SEPTIN9: variants seen among roughly 807,000 people sequenced by gnomAD.
The protein encoded by SEPTIN9 is septin 9.
SEPTIN9 carries 13 observed loss-of-function variants against 56.6 expected under a neutral mutation model. The ratio of observed to expected loss-of-function variants is 0.23; its 90% CI spans 0.15 to 0.37. SEPTIN9 has a LOEUF of 0.37. Ranked by LOEUF, SEPTIN9 falls within the 10% of genes least tolerant of loss-of-function variation. The probability of loss-of-function intolerance (pLI) is 1.00; values close to 1 mark genes in which losing one functional copy is unlikely to be tolerated. For synonymous variants in SEPTIN9, 332 were observed against 334.1 expected, an observed-to-expected ratio of 0.99 and a Z score of 0.07; for missense variants, 650 against 823.1, an observed-to-expected ratio of 0.79 and a Z score of 2.57.
At chr17:77,370,919 G>A (rs1078504) in intron 2 of SEPTIN9, among the ~76,000 whole-genome samples, 15,966 of 152,308 alleles carry the variant, frequency 0.1, 893 homozygotes, top group Middle Eastern at 0.16. Context: ...GATTTAGGCT[G>A]AGAAAGAGGA....
intron 2 of SEPTIN9, chr17:77,373,758 C>A: frequency 9.7e-7 from 1 of 1,027,584 alleles, no homozygotes; most frequent in Non-Finnish European, 1.3e-6. Flanking sequence ...CTGTTAGGGG[C>A]ACCCGCGTAG....
At chr17:77,490,908 C>G in intron 8 of SEPTIN9, 49 bp downstream of exon 8, 4 of 1,402,152 alleles carry the variant, frequency 2.9e-6, no homozygotes, top group Non-Finnish European at 4.0e-6. Context: ...AACCTGGAGA[C>G]GCTGCAGGCC....
chr17:77,308,160 A>C (rs887040086), intron 2 of SEPTIN9, among the ~76,000 whole-genome samples: 7 of 152,200 alleles, frequency 4.6e-5, no homozygotes, highest in Non-Finnish European at 7.4e-5. Flanking sequence ...TCACCTGTGC[A>C]TATGTGCTGG....
chr17:77,420,804 TCTCAGGTGGGAGGAGAAGG>T (rs2036674491), intron 3 of SEPTIN9, among the ~76,000 whole-genome samples: 1 of 152,188 alleles, frequency 6.6e-6, no homozygotes, highest in Admixed American at 6.5e-5. Flanking sequence ...GAAACCCTTG[TCTCAGGTGGGAGGAGAAGG>T]CTCAGTATGT....
In SEPTIN9 at chr17:77,456,012, C is replaced by G. The variant is rs376873924; in HGVS notation, c.722-26132C>G. On this transcript the variant is annotated intron_variant, in intron 3 of 11. Coordinates refer to ENST00000427177, the MANE Select transcript of SEPTIN9 (RefSeq NM_001113491.2). The surrounding 1 kb of genome is among the most constrained non-coding windows in gnomAD (Gnocchi z 6.0). Reference sequence around the variant, plus strand: ...CCCTGGAAGATTCCCGGCACCGCTTCCCATGCGCCACGTGACTAGGAGGGT... The same window carrying G: ...CCCTGGAAGATTCCCGGCACCGCTTGCCATGCGCCACGTGACTAGGAGGGT... Among the ~76,000 whole-genome samples the G allele has an allele frequency of 1.3e-5, 2 of 152,312 alleles. No individual in the cohort carries two copies. Among genetic ancestry groups the G allele is most frequent in the African/African-American group, 4.8e-5 (2 of 41,564 alleles).
At chr17:77,452,811 T>C (rs926974221) in intron 3 of SEPTIN9, among the ~76,000 whole-genome samples, 1 of 150,430 alleles carries the variant, frequency 6.6e-6, no homozygotes, top group African/African-American at 2.5e-5. Context: ...TTTGGCCAAC[T>C]CCCCCGGCAG....
Position 77,284,388 on chromosome 17 carries a change from C to T in SEPTIN9, c.19+2834C>T, listed in dbSNP as rs1159376664. ...CAGGGGGACACTGGGGACAGGTTCT[C>T]TCTGGCAGCTCCACTGCTGCTCCAG... is the stretch of plus-strand genomic sequence containing the variant. On this transcript the variant is annotated intron_variant, in intron 1 of 11. Coordinates refer to ENST00000427177, the MANE Select transcript of SEPTIN9 (RefSeq NM_001113491.2). Among the ~76,000 whole-genome samples the T allele has an allele frequency of 1.6e-4, 25 of 152,250 alleles. 1 individual carries two copies. The highest frequency in any genetic ancestry group is 1.6e-3 in the Admixed American group (25 of 15,284).
intron 1 of SEPTIN9, among the ~76,000 whole-genome samples, chr17:77,290,060 A>G (rs1220431962): frequency 6.6e-6 from 1 of 152,180 alleles, no homozygotes; most frequent in Non-Finnish European, 1.5e-5. Flanking sequence ...ATGGCTCTTC[A>G]GAGTGGACAT....
At position 77,498,525 on chromosome 17, in the gene SEPTIN9, C is replaced by T. The variant is rs1023221200; in HGVS notation, c.1628C>T (p.Thr543Met). ...CCGCCCGCCCCCCACCCCCACAGGACGCACATGCAGAACATCAAGGACATC... is the reference window on the plus strand; with the variant it reads ...CCGCCCGCCCCCCACCCCCACAGGATGCACATGCAGAACATCAAGGACATC... ...FAYLRDLLIR[T>M]HMQNIKDITS... The change falls in exon 12 of 12, where the codon ACG becomes ATG. Residue 543 changes from threonine to methionine, a missense_variant and splice_region_variant. By Grantham distance (81) the Thr-to-Met change is moderately conservative. Around this residue, in one of 2 missense-constraint regions of SEPTIN9, gnomAD observed 333 missense variants for 494.0 expected, o/e 0.67. Coordinates refer to ENST00000427177, the MANE Select transcript of SEPTIN9 (RefSeq NM_001113491.2). The T allele has an allele frequency of 8.0e-6, 6 of 746,342 alleles. No individual in the cohort carries two copies. Among genetic ancestry groups the T allele is most frequent in the African/African-American group, 1.9e-5 (1 of 51,548 alleles). 46.2% of individuals were successfully genotyped at this position (746,342 alleles called of 1,614,324 possible).
intron 2 of SEPTIN9, among the ~76,000 whole-genome samples, chr17:77,346,215 T>G (rs2033886556): frequency 6.6e-6 from 1 of 150,400 alleles, no homozygotes; most frequent in East Asian, 2.0e-4. Context: ...GTGCTGGGAT[T>G]ACAGGCGTGA....
At chr17:77,361,395 C>T (rs1373001321) in intron 2 of SEPTIN9, among the ~76,000 whole-genome samples, 1 of 152,124 alleles carries the variant, frequency 6.6e-6, no homozygotes, top group African/African-American at 2.4e-5. Flanking sequence ...GTAGCTATGC[C>T]TGGGGTAGGT....
At chr17:77,334,128 T>TA (rs1049006772) in intron 2 of SEPTIN9, among the ~76,000 whole-genome samples, 13 of 150,268 alleles carry the variant, frequency 8.7e-5, no homozygotes, top group East Asian at 1.9e-4. Flanking sequence ...GGGTCTCATT[T>TA]AAAAAAAAAA....
Position 77,318,599 on chromosome 17 carries a change from G to T in SEPTIN9, c.76+11402G>T, listed in dbSNP as rs187882350. Among the ~76,000 whole-genome samples the T allele has an allele frequency of 3.1e-3, 478 of 152,266 alleles. 1 individual carries two copies. Among genetic ancestry groups the T allele is most frequent in the African/African-American group, 0.011 (450 of 41,552 alleles). On this transcript the variant is annotated intron_variant, in intron 2 of 11. Coordinates refer to ENST00000427177, the MANE Select transcript of SEPTIN9 (RefSeq NM_001113491.2). The surrounding 1 kb of genome is among the most constrained non-coding windows in gnomAD (Gnocchi z 4.9). Reference sequence around the variant, plus strand: ...TCCCCACCTCCCTCACTGTCTGGCTGCCTGTGGGGCTGTCCTCCAGGCTCT... The same window carrying T: ...TCCCCACCTCCCTCACTGTCTGGCTTCCTGTGGGGCTGTCCTCCAGGCTCT...
At chr17:77,334,031 T>A (rs1452311821) in intron 2 of SEPTIN9, among the ~76,000 whole-genome samples, 1 of 152,210 alleles carries the variant, frequency 6.6e-6, no homozygotes, top group Non-Finnish European at 1.5e-5. Context: ...AGGCTTCTGC[T>A]CTTTGTCCTG....
At chr17:77,457,474 C>T (rs1018511662) in intron 3 of SEPTIN9, among the ~76,000 whole-genome samples, 3 of 152,160 alleles carry the variant, frequency 2.0e-5, no homozygotes, top group African/African-American at 7.2e-5. Flanking sequence ...CCGGAGCAGA[C>T]GTTAAGCGAG....
chr17:77,321,253 C>A (rs1447183122), intron 2 of SEPTIN9, among the ~76,000 whole-genome samples: 1 of 152,092 alleles, frequency 6.6e-6, no homozygotes, highest in African/African-American at 2.4e-5. Context: ...AGAGTGTCAA[C>A]CCCTACGTGC....
chr17:77,341,375 G>C lies in SEPTIN9; in HGVS notation c.76+34178G>C, dbSNP rs192633267. On this transcript the variant is annotated intron_variant, in intron 2 of 11. Coordinates refer to ENST00000427177, the MANE Select transcript of SEPTIN9 (RefSeq NM_001113491.2). ...GCAGAGGGAGAGAGAGCGGGGAACAGCCAGTCAGTGGAGCAGTCAGAACAT... is the reference window on the plus strand; with the variant it reads ...GCAGAGGGAGAGAGAGCGGGGAACACCCAGTCAGTGGAGCAGTCAGAACAT... 5.9e-5 allele frequency among the ~76,000 whole-genome samples: 9 copies of C among 152,356 alleles called. No individual in the cohort carries two copies. In the East Asian group the frequency reaches 1.7e-3, roughly 29 times the overall value.
In SEPTIN9 at chr17:77,484,415, GTGA is replaced by G. The variant is rs560972684; in HGVS notation, c.913+2086_913+2088del. On this transcript the variant is annotated intron_variant, in intron 4 of 11. Coordinates refer to ENST00000427177, the MANE Select transcript of SEPTIN9 (RefSeq NM_001113491.2). Reference sequence around the variant, plus strand: ...TGATGGTGACAGTGGTGGGATGGTAGTGATGATGTGGGTGATGGTGATGGTGGT... The same window carrying G: ...TGATGGTGACAGTGGTGGGATGGTAGTGATGTGGGTGATGGTGATGGTGGT... Among the ~76,000 whole-genome samples, 15 of 147,308 alleles carry G rather than the reference GTGA, an allele frequency of 1.0e-4. No individual in the cohort carries two copies. The East Asian group carries it at 2.4e-3, about 24-fold the overall frequency.
At chr17:77,343,480 A>G (rs761140371) in intron 2 of SEPTIN9, among the ~76,000 whole-genome samples, 2 of 152,178 alleles carry the variant, frequency 1.3e-5, no homozygotes, top group Non-Finnish European at 2.9e-5. Context: ...ATCCTTTGAA[A>G]TATCATTTGT....
Sources: gnomAD v4.1 joint callset for allele counts (sites outside exome capture counted in the v4.1 genomes callset) on GRCh38, gnomAD v4.1.1 for gene constraint, gnomAD v4.1.1 regional missense constraint, Gnocchi (gnomAD v3.1) non-coding constraint, MANE v1.5 for transcripts, NCBI Gene and HGNC (gene_info 2026-07-23, HGNC 2026-07-21) for gene names.